The following PRKCZ variants were observed in gnomAD, a reference collection of about 807,000 sequenced individuals.
PRKCZ encodes the protein protein kinase C zeta type.
A neutral mutation model predicts 79.5 loss-of-function variants in PRKCZ; 33 were observed. That is an observed-to-expected ratio of 0.41 (90% CI 0.31 to 0.55). The LOEUF (loss-of-function observed/expected upper bound fraction) is 0.55. PRKCZ is among the 20% of genes least tolerant of loss of function. The probability of loss-of-function intolerance (pLI) is 0.19; values close to 1 mark genes in which losing one functional copy is unlikely to be tolerated. For missense variants in PRKCZ, 578 were observed against 813.5 expected (o/e 0.71, Z 3.52); for synonymous variants, 342 against 320.9 (o/e 1.07, Z -0.70).
rs202143346 is a variant in PRKCZ at position 2,148,944 on chromosome 1, C to T, written c.687+20C>T. On this transcript the variant is annotated intron_variant, in intron 8 of 17. Coordinates refer to ENST00000378567, the MANE Select transcript of PRKCZ (RefSeq NM_002744.6). Reference sequence around the variant, plus strand: ...TCGGAGGTGAGTGTGTGGAGCAGCTCGCTGCCATTTCCGACGTCCTCTGGA... The same window carrying T: ...TCGGAGGTGAGTGTGTGGAGCAGCTTGCTGCCATTTCCGACGTCCTCTGGA... 12 of 1,612,150 alleles carry T rather than the reference C, an allele frequency of 7.4e-6. No homozygotes were observed. The highest frequency in any genetic ancestry group is 1.3e-5 in the African/African-American group (1 of 75,010).
intron 4 of PRKCZ, among the ~76,000 whole-genome samples, chr1:2,070,633 CG>C (rs1329565128): frequency 6.6e-6 from 1 of 151,990 alleles, no homozygotes; most frequent in African/African-American, 2.4e-5. Context: ...TCTCCCGGGC[CG>C]GTGGTCCTGG....
intron 4 of PRKCZ, among the ~76,000 whole-genome samples, chr1:2,133,175 G>C (rs1365683741): frequency 1.3e-5 from 2 of 152,184 alleles, no homozygotes; most frequent in Non-Finnish European, 2.9e-5. Flanking sequence ...ACTGGGGGTG[G>C]GTCCTGTGTG....
At chr1:2,104,730 TGCCAGACAG>T in intron 4 of PRKCZ, 2 of 985,674 alleles carry the variant, frequency 2.0e-6, no homozygotes, top group Non-Finnish European at 1.2e-6. Flanking sequence ...CATCGCTCGG[TGCCAGACAG>T]GCAGGACGCA....
At chr1:2,170,217 C>T (rs1684149574) in intron 11 of PRKCZ, among the ~76,000 whole-genome samples, 1 of 152,176 alleles carries the variant, frequency 6.6e-6, no homozygotes, top group Admixed American at 6.5e-5. Flanking sequence ...TCCCTTTCAT[C>T]TCTGATATCT....
At chr1:2,057,070 A>G (rs2102223129) in intron 3 of PRKCZ, among the ~76,000 whole-genome samples, 1 of 152,246 alleles carries the variant, frequency 6.6e-6, no homozygotes, top group South Asian at 2.1e-4. Flanking sequence ...ACTGCTCTTA[A>G]CAAAGAACCC....
intron 4 of PRKCZ, among the ~76,000 whole-genome samples, chr1:2,119,467 G>A (rs1035216398): frequency 1.3e-5 from 2 of 152,074 alleles, no homozygotes; most frequent in Non-Finnish European, 2.9e-5. Context: ...TGTCTGCCTT[G>A]GCCTCCCAAA....
chr1:2,145,916 C>T, intron 6 of PRKCZ, 111 bp from the exon 7 acceptor site: 1 of 884,206 alleles, frequency 1.1e-6, no homozygotes, highest in Middle Eastern at 2.2e-4. Flanking sequence ...GTGACCCTGT[C>T]TGTAAAAAAA....
At chr1:2,141,645 C>T (rs1454773223) in intron 5 of PRKCZ, 2 of 154,782 alleles carry the variant, frequency 1.3e-5, no homozygotes, top group African/African-American at 4.8e-5. Flanking sequence ...TGCGCCTGGC[C>T]AATCTTGGTT....
At chr1:2,134,846 TC>T (rs1675843621) in intron 4 of PRKCZ, 1 of 161,096 alleles carries the variant, frequency 6.2e-6, no homozygotes, top group Non-Finnish European at 1.4e-5. Flanking sequence ...GTTTGAACTA[TC>T]CCTGTGCGGA....
At chr1:2,119,506 T>G (rs1328150589) in intron 4 of PRKCZ, among the ~76,000 whole-genome samples, 2 of 152,204 alleles carry the variant, frequency 1.3e-5, no homozygotes, top group Non-Finnish European at 2.9e-5. Flanking sequence ...TGAGCCACTG[T>G]GCCTGGCCTA....
Position 2,174,263 on chromosome 1 carries a change from C to T in PRKCZ, c.1405+247C>T, listed in dbSNP as rs1202626950. Among the ~76,000 whole-genome samples, 1 of 152,178 alleles carries T rather than the reference C, an allele frequency of 6.6e-6. No individual in the cohort carries two copies. The highest frequency in any genetic ancestry group is 2.4e-5 in the African/African-American group (1 of 41,446). On this transcript the variant is annotated intron_variant, in intron 14 of 17. Transcript: ENST00000378567. This position sits in a 1 kb window ranked among gnomAD's most constrained non-coding sequence, Gnocchi z 6.2. The stretch of plus-strand genomic sequence containing the variant: ...CCATTCAGCTCCAACTCCCTCCTGC[C>T]CTGGCCAGCAGCACATGCTGGAGCC...
In PRKCZ at chr1:2,125,690, T is replaced by C. The variant is rs1255793409; in HGVS notation, c.335-9572T>C. Among the ~76,000 whole-genome samples the C allele has an allele frequency of 1.3e-5, 2 of 152,026 alleles. No homozygotes were observed. Among genetic ancestry groups the C allele is most frequent in the Non-Finnish European group, 2.9e-5 (2 of 67,978 alleles). On this transcript the variant is annotated intron_variant, in intron 4 of 17. Transcript: ENST00000378567. This position sits in a 1 kb window ranked among gnomAD's most constrained non-coding sequence, Gnocchi z 4.2. The stretch of plus-strand genomic sequence containing the variant: ...CCATCCGCATTCCATGGCAGGTGAG[T>C]CTGATTATTCGAAGGAGGCTGGAGT...
chr1:2,058,299 G>A (rs1036870994), intron 3 of PRKCZ, among the ~76,000 whole-genome samples: 2 of 149,848 alleles, frequency 1.3e-5, no homozygotes, highest in South Asian at 2.1e-4. Flanking sequence ...CACGGTGCCC[G>A]GCCCCAATTT....
chr1:2,067,621 C>T (rs1421102713), intron 4 of PRKCZ, among the ~76,000 whole-genome samples: 1 of 152,104 alleles, frequency 6.6e-6, no homozygotes, highest in Non-Finnish European at 1.5e-5. Flanking sequence ...CTGCCCAGGG[C>T]CCATGAGGGT....
chr1:2,154,088 G>A (rs746358681), intron 9 of PRKCZ, among the ~76,000 whole-genome samples: 1 of 152,182 alleles, frequency 6.6e-6, no homozygotes, highest in African/African-American at 2.4e-5. Flanking sequence ...ACGTCCCTGC[G>A]GGGCCACAGT....
At chr1:2,153,524 C>T (rs1680321090) in intron 9 of PRKCZ, among the ~76,000 whole-genome samples, 1 of 152,232 alleles carries the variant, frequency 6.6e-6, no homozygotes, top group African/African-American at 2.4e-5. Flanking sequence ...CAACTGGCCC[C>T]TCATCCCTGG....
At chr1:2,121,557 G>GTCATGGTGGTA in intron 4 of PRKCZ, among the ~76,000 whole-genome samples, 1 of 41,442 alleles carries the variant, frequency 2.4e-5, no homozygotes, top group African/African-American at 7.0e-5. Context: ...AGTAGTTAGG[G>GTCATGGTGGTA]CTATGGCTGT....
At position 2,184,631 on chromosome 1, in the gene PRKCZ, G is replaced by C. The variant is rs143763676; in HGVS notation, c.1624G>C (p.Asp542His). 6.2e-7 allele frequency: 1 copy of C among 1,614,048 alleles called. No homozygotes were observed. Among genetic ancestry groups the C allele is most frequent in the African/African-American group, 1.3e-5 (1 of 75,066 alleles). The change falls in exon 17 of 18, where the codon GAC becomes CAC. Residue 542 changes from aspartate (D) to histidine (H), a missense_variant. Physicochemically the swap from Asp to His is moderately conservative, Grantham distance 81. Transcript: ENST00000378567. ...LPPFQPQITD[D>H]YGLDNFDTQF... Reference sequence around the variant, plus strand: ...TCCATTCCAGCCACAGATCACAGACGACTACGGTCTGGACAACTTTGACAC... The same window carrying C: ...TCCATTCCAGCCACAGATCACAGACCACTACGGTCTGGACAACTTTGACAC...
chr1:2,085,526 A>G (rs1453585325), intron 4 of PRKCZ, among the ~76,000 whole-genome samples: 3 of 152,164 alleles, frequency 2.0e-5, no homozygotes, highest in Admixed American at 2.0e-4. Flanking sequence ...GTTTTTCACA[A>G]CTCTTGTCCT....
Sources: allele counts gnomAD v4.1 joint callset (sites outside exome capture counted in the v4.1 genomes callset), GRCh38; gene constraint gnomAD v4.1.1; non-coding constraint Gnocchi (gnomAD v3.1); transcripts MANE v1.5; gene names NCBI Gene and HGNC (gene_info 2026-07-23, HGNC 2026-07-21).